MCU: variants seen among roughly 807,000 people sequenced by gnomAD.
MCU encodes the protein calcium uniporter protein, mitochondrial.
A neutral mutation model predicts 45.2 loss-of-function variants in MCU; 12 were observed. That is an observed-to-expected ratio of 0.27 (90% confidence interval 0.17 to 0.43). The LOEUF (loss-of-function observed/expected upper bound fraction) is 0.43, where lower values mean the gene tolerates loss of function less well. Ranked by LOEUF, MCU falls within the 20% of genes least tolerant of loss-of-function variation. The probability of loss-of-function intolerance (pLI) is 1.00; values close to 1 mark genes in which losing one functional copy is unlikely to be tolerated. For synonymous variants in MCU, 160 were observed against 165.1 expected, an observed-to-expected ratio of 0.97 and a Z score of 0.24; for missense variants, 324 against 436.7, an observed-to-expected ratio of 0.74 and a Z score of 2.30.
chr10:72,734,463 C>T (rs1024145042), intron 1 of MCU, among the ~76,000 whole-genome samples: 2 of 152,112 alleles, frequency 1.3e-5, no homozygotes, highest in Non-Finnish European at 2.9e-5. Flanking sequence ...ATTAATGTGA[C>T]TACTGGCCTA....
chr10:72,735,480 T>C lies in MCU; in HGVS notation c.150+43179T>C, dbSNP rs145672651. On this transcript the variant is annotated intron_variant, in intron 1 of 7. Transcript: ENST00000373053. ...TGTTCATCATGAGTCCACAGTATTA[T>C]CTGGGCTCTATTAATAGAAGCATGG... 5.9e-3 allele frequency among the ~76,000 whole-genome samples: 905 copies of C among 152,324 alleles called. 12 individuals carry two copies. Among genetic ancestry groups the C allele is most frequent in the African/African-American group, 0.021 (854 of 41,582 alleles).
chr10:72,728,893 G>A (rs1365395753), intron 1 of MCU, among the ~76,000 whole-genome samples: 1 of 152,132 alleles, frequency 6.6e-6, no homozygotes, highest in Non-Finnish European at 1.5e-5. Context: ...TTTAGGAGGA[G>A]AATAGCATGA....
intron 1 of MCU, among the ~76,000 whole-genome samples, chr10:72,833,610 C>T (rs1844911650): frequency 6.6e-6 from 1 of 152,196 alleles, no homozygotes; most frequent in Non-Finnish European, 1.5e-5. Flanking sequence ...CCTTCCTCTT[C>T]CTTTGATACT....
chr10:72,844,722 A>G (rs990379007), intron 2 of MCU, among the ~76,000 whole-genome samples: 3 of 152,234 alleles, frequency 2.0e-5, no homozygotes, highest in Admixed American at 2.0e-4. Context: ...AAAAAAGCAT[A>G]TAGACTTTTG....
chr10:72,697,336 C>T lies in MCU; in HGVS notation c.150+5035C>T, dbSNP rs146654042. The stretch of plus-strand genomic sequence containing the variant: ...TTCGCCATGTTGGCCAAGCTGGTCT[C>T]GAACTCCTGGCCTCGGGTAACCCAC... On this transcript the variant is annotated intron_variant, in intron 1 of 7. Coordinates refer to ENST00000373053, the MANE Select transcript of MCU (RefSeq NM_138357.3). Among the ~76,000 whole-genome samples the T allele has an allele frequency of 6.2e-4, 93 of 151,132 alleles. 1 individual carries two copies. In the East Asian group the frequency reaches 0.016, roughly 25 times the overall value.
chr10:72,711,094 G>A (rs1410567489), intron 1 of MCU, among the ~76,000 whole-genome samples: 1 of 151,566 alleles, frequency 6.6e-6, no homozygotes, highest in East Asian at 1.9e-4. Flanking sequence ...CAGGATAATT[G>A]CTTGAACCTG....
intron 1 of MCU, among the ~76,000 whole-genome samples, chr10:72,788,499 G>A (rs1175557078): frequency 6.6e-6 from 1 of 152,190 alleles, no homozygotes; most frequent in Non-Finnish European, 1.5e-5. Flanking sequence ...GGTAGTGCGT[G>A]CCTGTAGTCC....
At chr10:72,734,426 T>C (rs188305575) in intron 1 of MCU, among the ~76,000 whole-genome samples, 350 of 152,320 alleles carry the variant, frequency 2.3e-3, no homozygotes, top group African/African-American at 8.0e-3. Flanking sequence ...AGTAAAATGT[T>C]ACTAAAATTA....
chr10:72,806,759 C>G (rs1395995217), intron 1 of MCU, among the ~76,000 whole-genome samples: 1 of 152,136 alleles, frequency 6.6e-6, no homozygotes, highest in Non-Finnish European at 1.5e-5. Flanking sequence ...AAGAGAGGAC[C>G]TTTTTGAGGA....
At chr10:72,724,604 T>C (rs1321294969) in intron 1 of MCU, among the ~76,000 whole-genome samples, 2 of 152,216 alleles carry the variant, frequency 1.3e-5, no homozygotes, top group African/African-American at 2.4e-5. Flanking sequence ...GGCTGTATTA[T>C]ATATGAAAGT....
intron 1 of MCU, among the ~76,000 whole-genome samples, chr10:72,795,534 G>A (rs1844229842): frequency 6.6e-6 from 1 of 152,208 alleles, no homozygotes; most frequent in Admixed American, 6.5e-5. Flanking sequence ...AAATATTAGT[G>A]TATAACATGA....
chr10:72,840,835 A>C (rs909732617), intron 2 of MCU, among the ~76,000 whole-genome samples: 1 of 152,146 alleles, frequency 6.6e-6, no homozygotes, highest in Non-Finnish European at 1.5e-5. Context: ...TTGAAACTTT[A>C]CCAAAATGTG....
At chr10:72,714,793 C>T (rs183840606) in intron 1 of MCU, among the ~76,000 whole-genome samples, 6 of 151,854 alleles carry the variant, frequency 4.0e-5, no homozygotes, top group Admixed American at 6.6e-5. Context: ...ATCTGCCCCC[C>T]CCTTGGCCTC....
chr10:72,762,818 G>GTT (rs34507129), intron 1 of MCU, among the ~76,000 whole-genome samples: 1 of 148,838 alleles, frequency 6.7e-6, no homozygotes, highest in African/African-American at 2.5e-5. Context: ...TGTATTAGGT[G>GTT]TTTTTTTTTT....
At chr10:72,860,292 A>G (rs187841957) in intron 3 of MCU, 131 bp from the exon 4 acceptor site, 12 of 709,890 alleles carry the variant, frequency 1.7e-5, no homozygotes, top group African/African-American at 1.6e-4. Context: ...TGCATAGGAA[A>G]TGAGGCAAAA....
chr10:72,883,224 G>T lies in MCU; in HGVS notation c.862-1042G>T, dbSNP rs575711293. On this transcript the variant is annotated intron_variant, in intron 6 of 7. Coordinates refer to ENST00000373053, the MANE Select transcript of MCU (RefSeq NM_138357.3). ...AGTAGCTGCCTAGAACTGGGGGTTT[G>T]GGGGGAGAGGAGACTTGACTGTCAC... Among the ~76,000 whole-genome samples the T allele has an allele frequency of 1.7e-4, 26 of 152,264 alleles. No homozygotes were observed. The East Asian group carries it at 3.9e-3, about 23-fold the overall frequency.
At chr10:72,710,199 A>G (rs565819457) in intron 1 of MCU, among the ~76,000 whole-genome samples, 1 of 152,140 alleles carries the variant, frequency 6.6e-6, no homozygotes, top group African/African-American at 2.4e-5. Flanking sequence ...GATGGTCTTG[A>G]TCTCCTGACC....
intron 1 of MCU, among the ~76,000 whole-genome samples, chr10:72,781,315 A>G (rs989522158): frequency 6.6e-6 from 1 of 152,238 alleles, no homozygotes; most frequent in Admixed American, 6.5e-5. Context: ...CCTGGGCTGC[A>G]TGCTTTCAGA....
At chr10:72,759,013 T>C (rs1332845022) in intron 1 of MCU, among the ~76,000 whole-genome samples, 5 of 152,178 alleles carry the variant, frequency 3.3e-5, no homozygotes, top group Non-Finnish European at 5.9e-5. Context: ...AGTTGTATTA[T>C]TAAGGTTTGT....
Sources: allele counts gnomAD v4.1 joint callset (sites outside exome capture counted in the v4.1 genomes callset), GRCh38; gene constraint gnomAD v4.1.1; transcripts MANE v1.5; gene names NCBI Gene and HGNC (gene_info 2026-07-23, HGNC 2026-07-21).